The following DLGAP2 variants were observed in gnomAD, a reference collection of about 807,000 sequenced individuals.
DLGAP2 encodes disks large-associated protein 2.
A neutral mutation model predicts 100.3 loss-of-function variants in DLGAP2; 26 were observed. That is an observed-to-expected ratio of 0.26 (90% CI 0.19 to 0.36). DLGAP2 has a LOEUF of 0.36. Ranked by LOEUF, DLGAP2 falls within the 10% of genes least tolerant of loss-of-function variation. The pLI is 1.00. For synonymous variants in DLGAP2, 886 were observed against 630.1 expected, an observed-to-expected ratio of 1.41 and a Z score of -6.08; for missense variants, 1,858 against 1,453.2, an observed-to-expected ratio of 1.28 and a Z score of -4.53.
intron 2 of DLGAP2, among the ~76,000 whole-genome samples, chr8:1,012,835 G>T (rs948948769): frequency 1.3e-5 from 2 of 149,350 alleles, no homozygotes; most frequent in Non-Finnish European, 3.0e-5. Flanking sequence ...GTGTTCCCCC[G>T]CCTCCACCCA....
At chr8:787,544 C>T (rs1297996911) in intron 1 of DLGAP2, among the ~76,000 whole-genome samples, 3 of 152,228 alleles carry the variant, frequency 2.0e-5, no homozygotes, top group Non-Finnish European at 2.9e-5. Context: ...GGCACTGGCC[C>T]ATGCTGCTCT....
chr8:1,603,837 C>T (rs1327177229), intron 6 of DLGAP2, among the ~76,000 whole-genome samples: 1 of 152,122 alleles, frequency 6.6e-6, no homozygotes, highest in Non-Finnish European at 1.5e-5. Context: ...CCCATGCGTC[C>T]TGCTGGCAGG....
chr8:1,223,723 G>T (rs540999063), intron 2 of DLGAP2, among the ~76,000 whole-genome samples: 1 of 152,296 alleles, frequency 6.6e-6, no homozygotes, highest in African/African-American at 2.4e-5. Flanking sequence ...ATTATGGAGG[G>T]TTCTGTGATG....
intron 3 of DLGAP2, among the ~76,000 whole-genome samples, chr8:1,368,163 C>T (rs1026803169): frequency 2.0e-5 from 3 of 152,080 alleles, no homozygotes; most frequent in East Asian, 1.9e-4. Context: ...AGTGCACATA[C>T]GTGTGCATGT....
intron 8 of DLGAP2, among the ~76,000 whole-genome samples, chr8:1,657,055 C>G (rs2130818871): frequency 6.6e-6 from 1 of 152,158 alleles, no homozygotes; most frequent in East Asian, 1.9e-4. Flanking sequence ...CAATGCTAGG[C>G]TTTAAAAACC....
At chr8:1,193,542 A>G (rs1797683682) in intron 2 of DLGAP2, among the ~76,000 whole-genome samples, 1 of 152,174 alleles carries the variant, frequency 6.6e-6, no homozygotes, top group Non-Finnish European at 1.5e-5. Flanking sequence ...AAATCCACAG[A>G]TGGCAGGGTT....
rs150835449 is a variant in DLGAP2 at position 1,489,870 on chromosome 8, T to C, written c.107-11496T>C. ...AATTTACTTAAGCTTTCTGCTTTAA[T>C]TGGGCATTCCAAGATTAAGGCATAT... On this transcript the variant is annotated intron_variant, in intron 3 of 14. Coordinates refer to ENST00000637795, the MANE Select transcript of DLGAP2 (RefSeq NM_001346810.2). 9.1e-3 allele frequency among the ~76,000 whole-genome samples: 1,392 copies of C among 152,306 alleles called. 27 individuals carry two copies. Among genetic ancestry groups the C allele is most frequent in the African/African-American group, 0.032 (1,343 of 41,562 alleles).
chr8:1,427,587 G>A (rs1797271313), intron 3 of DLGAP2, among the ~76,000 whole-genome samples: 1 of 152,172 alleles, frequency 6.6e-6, no homozygotes, highest in Admixed American at 6.5e-5. Flanking sequence ...ACATGTCATG[G>A]AAAGAGCATG....
chr8:768,454 T>C (rs1041945244), intron 1 of DLGAP2, among the ~76,000 whole-genome samples: 2 of 144,708 alleles, frequency 1.4e-5, no homozygotes, highest in Admixed American at 7.0e-5. Context: ...GACATGAATC[T>C]TGCTCTGTCT....
At chr8:1,040,993 A>C (rs1802330771) in intron 2 of DLGAP2, among the ~76,000 whole-genome samples, 1 of 152,146 alleles carries the variant, frequency 6.6e-6, no homozygotes, top group Non-Finnish European at 1.5e-5. Context: ...CATACATAGG[A>C]CATACCAAAA....
At chr8:1,364,485 G>A (rs968227845) in intron 3 of DLGAP2, among the ~76,000 whole-genome samples, 11 of 137,332 alleles carry the variant, frequency 8.0e-5, no homozygotes, top group East Asian at 2.4e-4. Context: ...GGAGGCGGGC[G>A]CCGGTCATGG....
intron 2 of DLGAP2, among the ~76,000 whole-genome samples, chr8:1,157,165 C>A (rs1161239381): frequency 2.0e-5 from 3 of 152,124 alleles, no homozygotes; most frequent in Non-Finnish European, 4.4e-5. Flanking sequence ...GGGAAAAGTT[C>A]TCTCTCTTTA....
chr8:1,603,268 G>A (rs1316199754), intron 6 of DLGAP2, among the ~76,000 whole-genome samples: 4 of 151,080 alleles, frequency 2.6e-5, no homozygotes, highest in Non-Finnish European at 4.4e-5. Flanking sequence ...TGGAGGCTGG[G>A]TCTCAGTTCT....
At chr8:1,083,011 T>C (rs191763636) in intron 2 of DLGAP2, among the ~76,000 whole-genome samples, 1 of 152,326 alleles carries the variant, frequency 6.6e-6, no homozygotes, top group Admixed American at 6.5e-5. Context: ...GAAGAAGATA[T>C]ATATGGACCA....
intron 2 of DLGAP2, among the ~76,000 whole-genome samples, chr8:1,173,102 C>T (rs1797165616): frequency 1.3e-5 from 2 of 152,222 alleles, no homozygotes; most frequent in African/African-American, 4.8e-5. Context: ...TTCTAAGAGA[C>T]AGGACCCTCA....
chr8:1,439,278 G>A (rs2130055625), intron 3 of DLGAP2, among the ~76,000 whole-genome samples: 1 of 152,324 alleles, frequency 6.6e-6, no homozygotes, highest in African/African-American at 2.4e-5. Context: ...GATGGAAGAG[G>A]GAAGGGAAGG....
chr8:863,430 G>C (rs748482762), intron 1 of DLGAP2, among the ~76,000 whole-genome samples: 9 of 152,166 alleles, frequency 5.9e-5, no homozygotes, highest in Non-Finnish European at 1.0e-4. Flanking sequence ...TCTCATTTCT[G>C]TGTAAACAGA....
At chr8:1,298,027 G>A (rs1397145031) in intron 3 of DLGAP2, among the ~76,000 whole-genome samples, 1 of 30,854 alleles carries the variant, frequency 3.2e-5, no homozygotes, top group Admixed American at 3.2e-4. Context: ...GAGGAGAAAC[G>A]TGGCAGGCGT....
At chr8:1,200,248 C>G (rs1217552815) in intron 2 of DLGAP2, among the ~76,000 whole-genome samples, 1 of 152,236 alleles carries the variant, frequency 6.6e-6, no homozygotes, top group Non-Finnish European at 1.5e-5. Context: ...TCCTCACTGC[C>G]TCTTTCCCCA....
Sources: gnomAD v4.1 joint callset for allele counts (sites outside exome capture counted in the v4.1 genomes callset) on GRCh38, gnomAD v4.1.1 for gene constraint, MANE v1.5 for transcripts, NCBI Gene and HGNC (gene_info 2026-07-23, HGNC 2026-07-21) for gene names.